BBOX1: variants seen among roughly 807,000 people sequenced by gnomAD.
BBOX1 encodes gamma-butyrobetaine dioxygenase.
A neutral mutation model predicts 41.6 loss-of-function variants in BBOX1; 35 were observed. That is an observed-to-expected ratio of 0.84 (90% CI 0.64 to 1.11). The LOEUF (loss-of-function observed/expected upper bound fraction) is 1.11, where lower values mean the gene tolerates loss of function less well. Ranked by LOEUF, BBOX1 falls within the 50% of genes most tolerant of loss-of-function variation. The pLI is 0.00. For missense variants in BBOX1, 458 were observed against 460.6 expected (o/e 0.99, Z 0.05); for synonymous variants, 163 against 154.7 (o/e 1.05, Z -0.40).
intron 5 of BBOX1, among the ~76,000 whole-genome samples, chr11:27,109,215 G>A (rs1329512042): frequency 6.6e-6 from 1 of 152,050 alleles, no homozygotes; most frequent in Non-Finnish European, 1.5e-5. Flanking sequence ...GCTTATGAGA[G>A]TTCTGACTGT....
chr11:27,116,472 CA>C (rs11336654), intron 6 of BBOX1, among the ~76,000 whole-genome samples: 137,606 of 150,526 alleles, frequency 0.91, 63,197 homozygotes, highest in Non-Finnish European at 0.96. Flanking sequence ...TAAAGTATAA[CA>C]AAAAAAAAAA....
intron 4 of BBOX1, 27 bp from the exon 5 acceptor site, chr11:27,093,141 T>C: frequency 6.3e-7 from 1 of 1,597,840 alleles, no homozygotes; most frequent in Non-Finnish European, 8.6e-7. Context: ...TAATCCCATC[T>C]GATTTCTTCA....
intron 2 of BBOX1, among the ~76,000 whole-genome samples, chr11:27,053,888 T>C (rs1856890929): frequency 6.6e-6 from 1 of 152,192 alleles, no homozygotes; most frequent in African/African-American, 2.4e-5. Context: ...AGCCAATTAA[T>C]TGTATTTCAC....
intron 2 of BBOX1, among the ~76,000 whole-genome samples, chr11:27,053,321 C>A (rs1309760790): frequency 6.6e-6 from 1 of 152,200 alleles, no homozygotes; most frequent in Non-Finnish European, 1.5e-5. Context: ...AAAGCATAAA[C>A]TTAGATAACT....
chr11:27,082,039 G>A (rs891651073), intron 4 of BBOX1, among the ~76,000 whole-genome samples: 1 of 151,950 alleles, frequency 6.6e-6, no homozygotes, highest in African/African-American at 2.4e-5. Context: ...TTCTTTTGCT[G>A]GGTGCCACAG....
At chr11:27,062,340 C>T (rs535643552) in intron 4 of BBOX1, among the ~76,000 whole-genome samples, 16 of 152,278 alleles carry the variant, frequency 1.1e-4, no homozygotes, top group Non-Finnish European at 2.2e-4. Context: ...TAAGAGTTTT[C>T]CCAACAAGGG....
chr11:27,086,542 T>C (rs535175197), intron 4 of BBOX1, among the ~76,000 whole-genome samples: 3 of 152,268 alleles, frequency 2.0e-5, no homozygotes, highest in East Asian at 3.9e-4. Flanking sequence ...CTTTTCAAAA[T>C]ACTACTTTTC....
At chr11:27,056,922 C>T (rs1856997349) in intron 3 of BBOX1, among the ~76,000 whole-genome samples, 1 of 151,330 alleles carries the variant, frequency 6.6e-6, no homozygotes. Flanking sequence ...AAAAATTAGC[C>T]AGGCGTGGTG....
At chr11:27,108,000 G>A (rs78447594) in intron 5 of BBOX1, among the ~76,000 whole-genome samples, 5,065 of 152,142 alleles carry the variant, frequency 0.033, 123 homozygotes, top group South Asian at 0.11. Context: ...TTAGGAGAAT[G>A]TTTTATGATT....
At chr11:27,114,092 G>T (rs770209718) in intron 5 of BBOX1, among the ~76,000 whole-genome samples, 1 of 151,852 alleles carries the variant, frequency 6.6e-6, no homozygotes, top group Admixed American at 6.6e-5. Flanking sequence ...AAAATTGGTT[G>T]TCTTTATAAA....
At chr11:27,073,176 G>T (rs1042459964) in intron 4 of BBOX1, among the ~76,000 whole-genome samples, 17 of 152,078 alleles carry the variant, frequency 1.1e-4, no homozygotes, top group African/African-American at 4.1e-4. Flanking sequence ...CTGACAAAGG[G>T]CTAATATCCA....
At chr11:27,058,460 C>T (rs1161435276) in intron 4 of BBOX1, among the ~76,000 whole-genome samples, 4 of 152,174 alleles carry the variant, frequency 2.6e-5, no homozygotes, top group African/African-American at 9.6e-5. Context: ...AGCTTTGGAA[C>T]TGGGTAACAG....
At chr11:27,105,497 T>C (rs1480988814) in intron 5 of BBOX1, among the ~76,000 whole-genome samples, 2 of 152,018 alleles carry the variant, frequency 1.3e-5, no homozygotes. Context: ...GTATCAGTAA[T>C]TGAAGATCAA....
chr11:27,104,893 C>T (rs1011279747), intron 5 of BBOX1, among the ~76,000 whole-genome samples: 1 of 152,186 alleles, frequency 6.6e-6, no homozygotes, highest in Non-Finnish European at 1.5e-5. Flanking sequence ...TGAGACAAAG[C>T]TTCCAGAGGA....
chr11:27,107,891 A>G (rs1459483591), intron 5 of BBOX1, among the ~76,000 whole-genome samples: 2 of 152,102 alleles, frequency 1.3e-5, no homozygotes, highest in South Asian at 2.1e-4. Flanking sequence ...GTCCTCAACA[A>G]TAAGTAGCAG....
chr11:27,054,232 T>TGTGTGC (rs1383541326), intron 2 of BBOX1, among the ~76,000 whole-genome samples: 2 of 150,688 alleles, frequency 1.3e-5, no homozygotes, highest in African/African-American at 4.9e-5. Context: ...TGTGTGTGTG[T>TGTGTGC]GTGCGTGCAC....
intron 4 of BBOX1, among the ~76,000 whole-genome samples, chr11:27,077,635 C>G (rs369104572): frequency 7.2e-6 from 1 of 138,872 alleles, no homozygotes. Flanking sequence ...AAAAAAAAAC[C>G]AAAAAAACAG....
intron 4 of BBOX1, among the ~76,000 whole-genome samples, chr11:27,069,759 T>TG (rs1167657929): frequency 6.6e-6 from 1 of 152,104 alleles, no homozygotes; most frequent in Non-Finnish European, 1.5e-5. Context: ...TGTTGGCTGA[T>TG]GGTTTGTTAT....
At chr11:27,103,353 G>GT (rs1159786684) in intron 5 of BBOX1, among the ~76,000 whole-genome samples, 2 of 152,038 alleles carry the variant, frequency 1.3e-5, no homozygotes, top group South Asian at 2.1e-4. Context: ...TTCAGAAAAT[G>GT]TTTCTGGAAT....
Sources: allele counts gnomAD v4.1 joint callset (sites outside exome capture counted in the v4.1 genomes callset), GRCh38; gene constraint gnomAD v4.1.1; transcripts MANE v1.5; gene names NCBI Gene and HGNC (gene_info 2026-07-23, HGNC 2026-07-21).